Variants in CHST11 observed in about 807,000 individuals in gnomAD.
CHST11 encodes carbohydrate sulfotransferase 11, also known as C4S-1.
In CHST11, 9 loss-of-function variants were observed where a neutral mutation model predicts 30.4. The ratio of observed to expected loss-of-function variants is 0.30; its 90% CI spans 0.18 to 0.52. CHST11 has a LOEUF of 0.52. CHST11 is among the 20% of genes least tolerant of loss of function. The pLI is 0.97. For synonymous variants in CHST11, 152 were observed against 187.8 expected (o/e 0.81, Z 1.56); for missense variants, 348 against 460.6 (o/e 0.76, Z 2.24).
At chr12:104,478,180 TAC>T (rs199755138) in intron 1 of CHST11, among the ~76,000 whole-genome samples, 3 of 151,348 alleles carry the variant, frequency 2.0e-5, no homozygotes, top group Admixed American at 6.6e-5. Context: ...TGCTGATCGT[TAC>T]ACACACACAC....
chr12:104,533,786 A>G (rs11112093), intron 1 of CHST11, among the ~76,000 whole-genome samples: 20,338 of 152,204 alleles, frequency 0.13, 1,430 homozygotes, highest in African/African-American at 0.16. Flanking sequence ...TAAGCAATGA[A>G]AAGAAGGCAC....
intron 2 of CHST11, among the ~76,000 whole-genome samples, chr12:104,653,770 G>T (rs1443748917): frequency 6.6e-6 from 1 of 152,152 alleles, no homozygotes; most frequent in East Asian, 1.9e-4. Context: ...AGGAACGGAG[G>T]CTCGAGGAGA....
At chr12:104,561,048 T>G (rs2038508133) in intron 1 of CHST11, among the ~76,000 whole-genome samples, 1 of 152,188 alleles carries the variant, frequency 6.6e-6, no homozygotes, top group Admixed American at 6.5e-5. Flanking sequence ...TTAACTTCCT[T>G]ATGGTACTTT....
At chr12:104,709,837 A>G (rs894721169) in intron 2 of CHST11, among the ~76,000 whole-genome samples, 1 of 152,262 alleles carries the variant, frequency 6.6e-6, no homozygotes, top group Non-Finnish European at 1.5e-5. Context: ...ACTGAAAACC[A>G]TTGAATAATG....
At position 104,627,732 on chromosome 12, in the gene CHST11, TAGA is replaced by T. The variant is rs1220086747; in HGVS notation, c.204+25745_204+25747del. ...ACATCTTTAACACAAATCAGGATTG[TAGA>T]AGATTAGGGCTTATTTTCAAAGTGT... On this transcript the variant is annotated intron_variant, in intron 2 of 2. Coordinates refer to ENST00000303694, the MANE Select transcript of CHST11 (RefSeq NM_018413.6). Among the ~76,000 whole-genome samples, 16 of 152,318 alleles carry T rather than the reference TAGA, an allele frequency of 1.1e-4. No individual in the cohort carries two copies. In the East Asian group the frequency reaches 2.9e-3, roughly 27 times the overall value.
chr12:104,631,561 GCTC>G (rs2039270871), intron 2 of CHST11, among the ~76,000 whole-genome samples: 1 of 152,116 alleles, frequency 6.6e-6, no homozygotes, highest in Admixed American at 6.5e-5. Flanking sequence ...CCTCAGCCTG[GCTC>G]CCTTAAGTCA....
chr12:104,607,056 C>A (rs1355310972), intron 2 of CHST11, among the ~76,000 whole-genome samples: 1 of 151,730 alleles, frequency 6.6e-6, no homozygotes, highest in Non-Finnish European at 1.5e-5. Context: ...GAGACTCTGT[C>A]TCAAAAAATA....
At chr12:104,634,652 T>C (rs1375377829) in intron 2 of CHST11, among the ~76,000 whole-genome samples, 1 of 152,200 alleles carries the variant, frequency 6.6e-6, no homozygotes, top group African/African-American at 2.4e-5. Context: ...GGCTGGGTGA[T>C]CATGTCAGGG....
chr12:104,549,717 G>C (rs545714259), intron 1 of CHST11, among the ~76,000 whole-genome samples: 13 of 152,222 alleles, frequency 8.5e-5, no homozygotes, highest in African/African-American at 2.9e-4. Context: ...ACTGCTCTGA[G>C]CAACATAGAG....
chr12:104,549,692 G>T (rs1190453337), intron 1 of CHST11, among the ~76,000 whole-genome samples: 1 of 152,134 alleles, frequency 6.6e-6, no homozygotes, highest in Non-Finnish European at 1.5e-5. Context: ...GATTGCTTGA[G>T]CCCAGGAGTT....
chr12:104,513,139 T>TGGGGGGGGGGG (rs1565969846), intron 1 of CHST11, among the ~76,000 whole-genome samples: 10 of 2,932 alleles, frequency 3.4e-3, no homozygotes, highest in Non-Finnish European at 4.7e-3. Context: ...GGGGGGGGGT[T>TGGGGGGGGGGG]GGGGGTGGGG....
rs920117131 is a variant in CHST11, at chr12:104,723,356, C to T, written c.205-33593C>T. ...ACACAACATAGTCAGGACAGCCTGG[C>T]GGGCGGGGTGGGCGTCTGGGGGGCC... On this transcript the variant is annotated intron_variant, in intron 2 of 2. Transcript: ENST00000303694. 5.3e-5 allele frequency among the ~76,000 whole-genome samples: 8 copies of T among 152,220 alleles called. 1 individual carries two copies. The East Asian group carries it at 5.8e-4, about 11-fold the overall frequency.
chr12:104,670,659 A>C (rs983861499), intron 2 of CHST11, among the ~76,000 whole-genome samples: 2 of 148,288 alleles, frequency 1.3e-5, no homozygotes, highest in Non-Finnish European at 3.0e-5. Flanking sequence ...ACACATACCC[A>C]CACACACACA....
chr12:104,719,178 C>T (rs1259275189), intron 2 of CHST11, among the ~76,000 whole-genome samples: 2 of 152,260 alleles, frequency 1.3e-5, no homozygotes, highest in Admixed American at 6.5e-5. Context: ...GCAGACACTC[C>T]GCAACGTACT....
chr12:104,684,926 A>G (rs2039832582), intron 2 of CHST11, among the ~76,000 whole-genome samples: 1 of 152,204 alleles, frequency 6.6e-6, no homozygotes, highest in African/African-American at 2.4e-5. Flanking sequence ...TTCCCTCCAA[A>G]GACTGCCTCT....
intron 1 of CHST11, among the ~76,000 whole-genome samples, chr12:104,468,792 A>G (rs2037482387): frequency 1.3e-5 from 2 of 152,168 alleles, no homozygotes; most frequent in African/African-American, 2.4e-5. Context: ...AGTCGCAGAC[A>G]AGAGATTTGG....
chr12:104,696,411 C>G (rs1424044732), intron 2 of CHST11, among the ~76,000 whole-genome samples: 1 of 134,784 alleles, frequency 7.4e-6, no homozygotes, highest in African/African-American at 2.8e-5. Context: ...CTGAGGCGGG[C>G]GGATTACTTG....
chr12:104,535,511 A>G (rs1795855), intron 1 of CHST11, among the ~76,000 whole-genome samples: 91,578 of 152,026 alleles, frequency 0.6, 28,217 homozygotes, highest in East Asian at 0.97. Flanking sequence ...CTCTTTGACC[A>G]TGCTGCATTC....
At chr12:104,726,225 T>C (rs900401063) in intron 2 of CHST11, among the ~76,000 whole-genome samples, 1 of 152,224 alleles carries the variant, frequency 6.6e-6, no homozygotes, top group Non-Finnish European at 1.5e-5. Flanking sequence ...GCTTTAGGCC[T>C]AGCTTCAAAG....
Sources: allele counts gnomAD v4.1 joint callset (sites outside exome capture counted in the v4.1 genomes callset), GRCh38; gene constraint gnomAD v4.1.1; transcripts MANE v1.5; gene names NCBI Gene and HGNC (gene_info 2026-07-23, HGNC 2026-07-21).